NOTCH2NLB: variants seen among roughly 807,000 people sequenced by gnomAD.
The protein encoded by NOTCH2NLB is notch 2 N-terminal like B.
A neutral mutation model predicts 14.8 loss-of-function variants in NOTCH2NLB; 1 was observed. The observed-to-expected ratio is 0.07, with a 90% CI of 0.02 to 0.32. The LOEUF is 0.32. Among genes scored for constraint, NOTCH2NLB ranks in the 10% least tolerant of loss-of-function variants. The pLI is 1.00. For synonymous variants in NOTCH2NLB, 6 were observed against 57.5 expected (o/e 0.10, Z 4.05); for missense variants, 11 against 155.0 (o/e 0.07, Z 4.93).
Position 148,679,528 on chromosome 1 carries a change from C to T in NOTCH2NLB, c.-64G>A. The T allele has an allele frequency of 3.5e-6, 4 of 1,136,758 alleles. 2 individuals are homozygous for T. Among genetic ancestry groups the T allele is most frequent in the Non-Finnish European group, 4.6e-6 (4 of 876,018 alleles). 70.4% of individuals were successfully genotyped at this position (1,136,758 alleles called of 1,614,324 possible). ...GCCCACAGCAGAGCGGGGCGCAGGG[C>T]GGGCATCTTCTCGGTCGCCTCCTCC... On this transcript the variant is annotated 5_prime_UTR_variant, in exon 1 of 5. Transcript: ENST00000593495.
chr1:148,610,368 A>G lies in NOTCH2NLB; in HGVS notation c.338-2623T>C, dbSNP rs1374632873. ...AAGAAAGAAAGAAAGAAAGAAAGAA[A>G]GAAAGAGAAAGAAAGAAAGAAAGAA... On this transcript the variant is annotated intron_variant, in intron 3 of 4. Transcript: ENST00000593495. Among the ~76,000 whole-genome samples, 532 of 120,802 alleles carry G rather than the reference A, an allele frequency of 4.4e-3. 47 individuals are homozygous for G. The highest frequency in any genetic ancestry group is 6.3e-3 in the Non-Finnish European group (367 of 57,804). 79.3% of individuals were successfully genotyped at this position (120,802 alleles called of 152,430 possible).
the NOTCH2NLB span, among the ~76,000 whole-genome samples, chr1:148,686,754 G>T: frequency 2.7e-5 from 2 of 75,410 alleles, 1 homozygote; most frequent in East Asian, 1.4e-3. Context: ...AAAGATTTCT[G>T]GTAGCCGCCA....
chr1:148,679,404 G>A lies in NOTCH2NLB; in HGVS notation c.3+58C>T. ...CAGAGAAGGACCGAGGGGGAGAAGG[G>A]TCGCCCCAGGTGGCAGCCCCGGGCG... On this transcript the variant is annotated intron_variant, in intron 1 of 4. Coordinates refer to ENST00000593495, the Ensembl canonical transcript of NOTCH2NLB. The A allele has an allele frequency of 1.9e-5, 15 of 786,722 alleles. 3 individuals carry two copies. Among genetic ancestry groups the A allele is most frequent in the Non-Finnish European group, 2.5e-5 (15 of 607,010 alleles). The allele number at this position is 786,722 out of a possible 1,614,324, so 48.7% of individuals were successfully genotyped here.
chr1:148,609,038 G>T (rs1198650901), intron 3 of NOTCH2NLB, among the ~76,000 whole-genome samples: 1 of 109,392 alleles, frequency 9.1e-6, no homozygotes, highest in East Asian at 2.5e-4. Flanking sequence ...GCTTTTTGTT[G>T]TCATTAGTCT....
At chr1:148,660,885 AG>A (rs1166211251) in intron 1 of NOTCH2NLB, among the ~76,000 whole-genome samples, 3 of 104,996 alleles carry the variant, frequency 2.9e-5, no homozygotes, top group African/African-American at 7.7e-5. Context: ...CAAGGATTTC[AG>A]CCAGAAAGAC....
chr1:148,661,657 T>C (rs1664689822), intron 1 of NOTCH2NLB, among the ~76,000 whole-genome samples: 1 of 149,380 alleles, frequency 6.7e-6, no homozygotes, highest in Non-Finnish European at 1.5e-5. Flanking sequence ...AAGTGCCAAA[T>C]TCTTCTTAGT....
Position 148,638,656 on chromosome 1 carries a change from C to G in NOTCH2NLB, c.77+1360G>C, listed in dbSNP as rs1162992300. Among the ~76,000 whole-genome samples the G allele has an allele frequency of 1.3e-5, 2 of 149,182 alleles. 1 individual carries two copies. The highest frequency in any genetic ancestry group is 3.0e-5 in the Non-Finnish European group (2 of 67,298). On this transcript the variant is annotated intron_variant, in intron 2 of 4. Coordinates refer to ENST00000593495, the Ensembl canonical transcript of NOTCH2NLB. Reference sequence around the variant, plus strand: ...GTTATCTTTACTCCAATCCAAACAACCTATTGTTAAGCTTTACTGTCATCA... The same window carrying G: ...GTTATCTTTACTCCAATCCAAACAAGCTATTGTTAAGCTTTACTGTCATCA...
chr1:148,638,201 C>G (rs1353124201), intron 2 of NOTCH2NLB, among the ~76,000 whole-genome samples: 1 of 148,580 alleles, frequency 6.7e-6, no homozygotes, highest in Non-Finnish European at 1.5e-5. Context: ...CCAGTGTCTT[C>G]TTATTTAACA....
intron 1 of NOTCH2NLB, among the ~76,000 whole-genome samples, chr1:148,670,831 C>T (rs1394552409): frequency 1.8e-4 from 9 of 50,242 alleles, no homozygotes; most frequent in Admixed American, 1.5e-3. Flanking sequence ...TCTGTTGCTA[C>T]GTAAACCTAC....
intron 3 of NOTCH2NLB, among the ~76,000 whole-genome samples, chr1:148,615,210 C>A (rs1323140663): frequency 8.1e-6 from 1 of 123,806 alleles, no homozygotes; most frequent in Non-Finnish European, 1.8e-5. Flanking sequence ...TCATAGCTCA[C>A]TGCAGCCTCA....
At chr1:148,707,695 T>A in the NOTCH2NLB span, among the ~76,000 whole-genome samples, 1 of 149,158 alleles carries the variant, frequency 6.7e-6, no homozygotes, top group Admixed American at 6.9e-5. Flanking sequence ...GACAGGAGAA[T>A]TGCTTGAACC....
intron 1 of NOTCH2NLB, among the ~76,000 whole-genome samples, chr1:148,674,540 C>T (rs1241294242): frequency 3.5e-4 from 26 of 74,772 alleles, no homozygotes; most frequent in Non-Finnish European, 7.3e-4. Context: ...TTCAACTGAT[C>T]CTATCTCTTC....
At chr1:148,670,146 A>G (rs1664726934) in intron 1 of NOTCH2NLB, among the ~76,000 whole-genome samples, 1 of 93,278 alleles carries the variant, frequency 1.1e-5, no homozygotes, top group African/African-American at 3.4e-5. Context: ...ATTAAAAAAA[A>G]TTAACCTATG....
chr1:148,605,380 T>C (rs1663480520), downstream of NOTCH2NLB, among the ~76,000 whole-genome samples: 2 of 143,896 alleles, frequency 1.4e-5, no homozygotes, highest in African/African-American at 5.4e-5. Context: ...CAAAAAAATG[T>C]CAGTTTTCTC....
At chr1:148,643,470 GCT>G in intron 1 of NOTCH2NLB, among the ~76,000 whole-genome samples, 1 of 110,090 alleles carries the variant, frequency 9.1e-6, no homozygotes, top group Non-Finnish European at 1.7e-5. Flanking sequence ...AGCCGAGATT[GCT>G]CCACTGCACT....
At chr1:148,643,443 G>A (rs1664320939) in intron 1 of NOTCH2NLB, among the ~76,000 whole-genome samples, 1 of 126,234 alleles carries the variant, frequency 7.9e-6, no homozygotes, top group African/African-American at 4.0e-5. Context: ...TGAACCTGGG[G>A]GGCGGAGGTT....
rs1243007914 is a variant in NOTCH2NLB at position 148,679,353 on chromosome 1, C to T, written c.3+109G>A. Reference sequence around the variant, plus strand: ...CCCAGCGAGTGGCCTCGCTCCGCGCCGGCGGCCGAGCCTGGCCTTCCCACA... The same window carrying T: ...CCCAGCGAGTGGCCTCGCTCCGCGCTGGCGGCCGAGCCTGGCCTTCCCACA... On this transcript the variant is annotated intron_variant, in intron 1 of 4. Transcript: ENST00000593495. The T allele has an allele frequency of 7.3e-6, 4 of 550,816 alleles. 1 individual carries two copies. The highest frequency in any genetic ancestry group is 3.3e-5 in the African/African-American group (1 of 29,956). 34.1% of individuals were successfully genotyped at this position (550,816 alleles called of 1,614,324 possible).
At chr1:148,661,608 G>A (rs1183425871) in intron 1 of NOTCH2NLB, among the ~76,000 whole-genome samples, 3 of 149,914 alleles carry the variant, frequency 2.0e-5, no homozygotes, top group African/African-American at 7.3e-5. Context: ...CTCTTCTCAG[G>A]ATGGTGGAGA....
intron 1 of NOTCH2NLB, among the ~76,000 whole-genome samples, chr1:148,651,115 C>T (rs1284366929): frequency 7.9e-6 from 1 of 126,026 alleles, no homozygotes; most frequent in Non-Finnish European, 1.7e-5. Flanking sequence ...TGCACTCCAG[C>T]CTGGGCGACA....
Sources: allele counts gnomAD v4.1 joint callset (sites outside exome capture counted in the v4.1 genomes callset), GRCh38; gene constraint gnomAD v4.1.1; transcripts MANE v1.5; gene names NCBI Gene and HGNC (gene_info 2026-07-23, HGNC 2026-07-21).